ANGEL2: variants seen among roughly 807,000 people sequenced by gnomAD.
ANGEL2 encodes angel homolog 2, also known as RNA 2',3'-cyclic phosphatase ANGEL2.
Under a neutral mutation model 66.0 loss-of-function variants are expected in ANGEL2, and 41 were observed. The ratio of observed to expected loss-of-function variants is 0.62; its 90% CI spans 0.48 to 0.81. The LOEUF (loss-of-function observed/expected upper bound fraction) is 0.81, where lower values mean the gene tolerates loss of function less well. Among genes scored for constraint, ANGEL2 ranks in the 30% least tolerant of loss-of-function variants. The pLI, the probability that ANGEL2 is intolerant of heterozygous loss-of-function variation, is 0.00. For missense variants in ANGEL2, 561 were observed against 641.6 expected, an observed-to-expected ratio of 0.87 and a Z score of 1.36; for synonymous variants, 208 against 226.5, an observed-to-expected ratio of 0.92 and a Z score of 0.73.
chr1:212,997,411 T>C, intron 7 of ANGEL2, 93 bp from the exon 8 acceptor site: 1 of 1,114,354 alleles, frequency 9.0e-7, no homozygotes, highest in East Asian at 2.4e-5. Context: ...ATTTCTAGAC[T>C]AAGACCAAAC....
chr1:213,015,334 G>A (rs1332354376), intron 1 of ANGEL2: 4 of 1,367,410 alleles, frequency 2.9e-6, no homozygotes, highest in Non-Finnish European at 9.4e-7. Flanking sequence ...AGCAGGCCAG[G>A]GATCCAAAGC....
chr1:213,015,835 A>G lies in ANGEL2; in HGVS notation c.-164T>C, dbSNP rs2076633452. On this transcript the variant is annotated 5_prime_UTR_variant, in exon 1 of 9. Transcript: ENST00000366962. Reference sequence around the variant, plus strand: ...GAGGTGCAGTCTCGCCGGCCGGCCTACACTCCATCTTGCGCAGTCAGAGTC... The same window carrying G: ...GAGGTGCAGTCTCGCCGGCCGGCCTGCACTCCATCTTGCGCAGTCAGAGTC... 10 of 827,898 alleles carry G rather than the reference A, an allele frequency of 1.2e-5. No homozygotes were observed. The highest frequency in any genetic ancestry group is 2.5e-5 in the Admixed American group (1 of 40,734). 51.3% of individuals were successfully genotyped at this position (827,898 alleles called of 1,614,324 possible).
intron 2 of ANGEL2, among the ~76,000 whole-genome samples, chr1:213,010,388 C>T (rs949568701): frequency 1.1e-4 from 17 of 151,332 alleles, no homozygotes; most frequent in African/African-American, 3.4e-4. Context: ...TGGCTAACAC[C>T]GTGAAACCCC....
chr1:213,012,993 AC>A, intron 2 of ANGEL2, 99 bp downstream of exon 2: 1 of 1,211,796 alleles, frequency 8.3e-7, no homozygotes, highest in Non-Finnish European at 1.1e-6. Context: ...AACACCAAAC[AC>A]CTCTAAAACC....
At chr1:213,000,012 T>C (rs1292042691) in intron 7 of ANGEL2, among the ~76,000 whole-genome samples, 4 of 152,250 alleles carry the variant, frequency 2.6e-5, no homozygotes, top group Admixed American at 2.6e-4. Flanking sequence ...TTTCCCTTCC[T>C]AACACTACCT....
chr1:213,015,621 T>G lies in ANGEL2; in HGVS notation c.51A>C (p.Gly17=). The G allele has an allele frequency of 6.2e-7, 1 of 1,612,256 alleles. No homozygotes were observed. Among genetic ancestry groups the G allele is most frequent in the South Asian group, 1.1e-5 (1 of 91,014 alleles). ...TACCCAGCCCTACTGACCGGCCTCT[T>G]CCCACCACACAGTGGCCGTAGCCCT... The part of the protein sequence containing the change: ...VRKGYGHCVV[G]RGRYPMFPHH... Residue 17 remains glycine, a synonymous_variant, in exon 1 of 9, where the codon GGA becomes GGC. Transcript: ENST00000366962.
In ANGEL2 at chr1:213,013,342, A is replaced by T. The variant is rs766931666; in HGVS notation, c.136T>A (p.Cys46Ser). 2 of 1,614,172 alleles carry T rather than the reference A, an allele frequency of 1.2e-6. No homozygotes were observed. Among genetic ancestry groups the T allele is most frequent in the East Asian group, 4.5e-5 (2 of 44,878 alleles). ...TTPWENLQRC[C>S]WNRHISSCMR... ...CAACTAGAAATATGTCTGTTCCAGCAACACCTTTGCAGATTCTCCCACGGT... is the reference window on the plus strand; with the variant it reads ...CAACTAGAAATATGTCTGTTCCAGCTACACCTTTGCAGATTCTCCCACGGT... Residue 46 changes from cysteine to serine, a missense_variant, in exon 2 of 9, where the codon TGC (cysteine) becomes AGC (serine). Cys to Ser is a moderately radical substitution (Grantham distance 112, BLOSUM62 -1). Coordinates refer to ENST00000366962, the MANE Select transcript of ANGEL2 (RefSeq NM_144567.5).
chr1:213,000,609 G>A, intron 6 of ANGEL2, 177 bp downstream of exon 6: 1 of 765,920 alleles, frequency 1.3e-6, no homozygotes, highest in Non-Finnish European at 1.9e-6. Context: ...AGATAATTCT[G>A]GAAGTTCAAC....
intron 7 of ANGEL2, among the ~76,000 whole-genome samples, chr1:212,998,772 C>T (rs868177428): frequency 1.5e-4 from 23 of 151,982 alleles, no homozygotes; most frequent in Non-Finnish European, 2.8e-4. Context: ...ATGATCCGCC[C>T]GCCTCAGCCT....
At chr1:213,006,556 T>G (rs1453287204) in intron 4 of ANGEL2, 5 of 150,182 alleles carry the variant, frequency 3.3e-5, no homozygotes, top group Admixed American at 6.7e-5. Flanking sequence ...TTTCTAGGAG[T>G]GTTTATTTAT....
chr1:213,015,681 C>G lies in ANGEL2; in HGVS notation c.-10G>C, dbSNP rs201199897. On this transcript the variant is annotated 5_prime_UTR_variant, in exon 1 of 9. Coordinates refer to ENST00000366962, the MANE Select transcript of ANGEL2 (RefSeq NM_144567.5). ...AGCGCCAGGCTTCCATCTTCGCCCT[C>G]CGCGTGCGTCCAGTTCCCAGGCCCC... 104 of 1,614,174 alleles carry G rather than the reference C, an allele frequency of 6.4e-5. No homozygotes were observed. The Middle Eastern group carries it at 1.2e-3, about 18-fold the overall frequency.
intron 4 of ANGEL2, 80 bp from the exon 5 acceptor site, chr1:213,005,534 CAAT>C: frequency 3.0e-6 from 4 of 1,346,546 alleles, no homozygotes; most frequent in Non-Finnish European, 4.0e-6. Context: ...TACTTCTGAA[CAAT>C]GTTTACCAAA....
intron 8 of ANGEL2, among the ~76,000 whole-genome samples, chr1:212,996,644 T>A (rs57919009): frequency 0.054 from 4,101 of 75,976 alleles, 82 homozygotes; most frequent in Non-Finnish European, 0.061. Context: ...AAAAAAAATA[T>A]ATATATATAT....
At chr1:213,014,009 C>CT (rs572391907) in intron 1 of ANGEL2, among the ~76,000 whole-genome samples, 9 of 152,088 alleles carry the variant, frequency 5.9e-5, no homozygotes, top group Admixed American at 3.3e-4. Flanking sequence ...TTTCTCCATT[C>CT]TTTTTTAAGC....
Position 213,005,474 on chromosome 1 carries a change from T to G in ANGEL2, c.713-20A>C. ...GATAACCTACAAGAAACAAATGAAT[T>G]TAAAACAAATGACTGCTTTTATATA... On this transcript the variant is annotated intron_variant, in intron 4 of 8. Transcript: ENST00000366962. 1 of 1,544,520 alleles carries G rather than the reference T, an allele frequency of 6.5e-7. No homozygotes were observed.
rs142136057 is a variant in ANGEL2 at position 212,995,117 on chromosome 1, G to C, written c.1559C>G (p.Thr520Ser). ...LSLLTEQDLWTVNGLPNENNS... is the reference protein window; with the variant it reads ...LSLLTEQDLWSVNGLPNENNS... ...ATTTTCGTTTGGAAGTCCATTAACA[G>C]TCCATAAGTCTTGTTCTGTAAGAAG... The change falls in exon 9 of 9, where the codon ACT (threonine) becomes AGT (serine). Residue 520 changes from threonine to serine, a missense_variant. Coordinates refer to ENST00000366962, the MANE Select transcript of ANGEL2 (RefSeq NM_144567.5). The C allele has an allele frequency of 7.4e-4, 1,195 of 1,612,496 alleles. 7 individuals are homozygous for C. In the African/African-American group the frequency reaches 0.014, roughly 19 times the overall value.
At chr1:213,011,093 G>T in intron 2 of ANGEL2, 1 of 1,067,110 alleles carries the variant, frequency 9.4e-7, no homozygotes, top group Non-Finnish European at 1.2e-6. Flanking sequence ...TTACAGAAAT[G>T]TGTTCAAATA....
intron 5 of ANGEL2, 28 bp from the exon 6 acceptor site, chr1:213,000,940 A>G (rs1354983342): frequency 1.3e-6 from 2 of 1,598,712 alleles, no homozygotes; most frequent in Non-Finnish European, 1.7e-6. Context: ...AGGTATCTTA[A>G]GTGAAAAGAT....
intron 5 of ANGEL2, 25 bp downstream of exon 5, chr1:213,005,006 CCT>C: frequency 6.7e-7 from 1 of 1,499,884 alleles, no homozygotes; most frequent in South Asian, 1.3e-5. Context: ...ATGTCCACTC[CCT>C]AATAACAATG....
Sources: gnomAD v4.1 joint callset for allele counts (sites outside exome capture counted in the v4.1 genomes callset) on GRCh38, gnomAD v4.1.1 for gene constraint, MANE v1.5 for transcripts, NCBI Gene and HGNC (gene_info 2026-07-23, HGNC 2026-07-21) for gene names.